SMG9: variants seen among roughly 807,000 people sequenced by gnomAD.
SMG9 encodes SMG9 nonsense mediated mRNA decay factor.
In SMG9, 55 loss-of-function variants were observed where a neutral mutation model predicts 64.0. The observed-to-expected ratio is 0.86, with a 90% CI of 0.69 to 1.08. The LOEUF is 1.08. Ranked by LOEUF, SMG9 falls within the 50% of genes least tolerant of loss-of-function variation. SMG9 has a pLI of 0.00. For synonymous variants in SMG9, 244 were observed against 254.8 expected, an observed-to-expected ratio of 0.96 and a Z score of 0.41; for missense variants, 554 against 681.3, an observed-to-expected ratio of 0.81 and a Z score of 2.08.
rs990826448 is a variant in SMG9 at position 43,749,590 on chromosome 19, A to G, written c.150+1002T>C. ...GTAAGAGCCCAGCTCACTGTGAAAA[A>G]ACTATTCTTCATGTTTGTACAGTTT... On this transcript the variant is annotated intron_variant, in intron 2 of 13. Coordinates refer to ENST00000270066, the MANE Select transcript of SMG9 (RefSeq NM_019108.4). Among the ~76,000 whole-genome samples the G allele has an allele frequency of 3.3e-5, 5 of 152,304 alleles. No individual in the cohort carries two copies. In the South Asian group the frequency reaches 8.3e-4, roughly 25 times the overall value.
Position 43,747,743 on chromosome 19 carries a change from G to C in SMG9, c.380C>G (p.Pro127Arg). The C allele has an allele frequency of 6.2e-7, 1 of 1,610,532 alleles. No homozygotes were observed. The highest frequency in any genetic ancestry group is 1.1e-5 in the South Asian group (1 of 90,630). ...STPEGTAPPP[P>R]AAPAPPKGEK... is the part of the protein sequence containing the mutation. ...CCCCTTGGGTGGCGCAGGGGCTGCA[G>C]GGGGTGGTGGGGCGGTGCCCTCAGG... The change falls in exon 4 of 14, where the codon CCT becomes CGT. Residue 127 changes from proline to arginine, a missense_variant. Transcript: ENST00000270066.
At chr19:43,740,512 C>T (rs984862503) in intron 6 of SMG9, among the ~76,000 whole-genome samples, 6 of 152,140 alleles carry the variant, frequency 3.9e-5, no homozygotes, top group Admixed American at 1.3e-4. Flanking sequence ...CCCAGCTCTG[C>T]CTCTTCCTGG....
chr19:43,748,928 G>A, intron 2 of SMG9: 1 of 459,614 alleles, frequency 2.2e-6, no homozygotes, highest in Non-Finnish European at 4.4e-6. Context: ...GGACTTCCAG[G>A]AGGCTAGGAA....
intron 1 of SMG9, among the ~76,000 whole-genome samples, chr19:43,754,140 T>A (rs1211007111): frequency 6.6e-6 from 1 of 152,158 alleles, no homozygotes; most frequent in Non-Finnish European, 1.5e-5. Context: ...CCTTCGGGGA[T>A]CTCCCAGAAC....
rs763046416 is a variant in SMG9, at chr19:43,737,962, CCTGA to C, written c.909+156_909+159del. On this transcript the variant is annotated intron_variant, in intron 8 of 13. Transcript: ENST00000270066. ...GGGCAGAGCCAGGAGTTGAGCCAGT[CCTGA>C]CTCTCAGTGTTGTCCTCTTCCTATA... is the stretch of plus-strand genomic sequence containing the variant. 320 of 736,014 alleles carry C rather than the reference CCTGA, an allele frequency of 4.3e-4. 1 individual carries two copies. The highest frequency in any genetic ancestry group is 1.5e-3 in the Middle Eastern group (4 of 2,644). 45.6% of individuals were successfully genotyped at this position (736,014 alleles called of 1,614,324 possible). A position where few individuals can be genotyped will look rare whatever the true frequency, so the allele number is the denominator to read the frequency against.
At position 43,731,051 on chromosome 19, in the gene SMG9, C is replaced by G. The variant is rs1030696082; in HGVS notation, c.*545G>C. On this transcript the variant is annotated 3_prime_UTR_variant, in exon 14 of 14. Coordinates refer to ENST00000270066, the MANE Select transcript of SMG9 (RefSeq NM_019108.4). The stretch of plus-strand genomic sequence containing the variant: ...ATAACCCCTTCTAGGGACTTCTTAG[C>G]AGAGACTGATCTCCATCTGCCCGCA... 5 of 916,136 alleles carry G rather than the reference C, an allele frequency of 5.5e-6. No homozygotes were observed. The highest frequency in any genetic ancestry group is 6.5e-6 in the Non-Finnish European group (5 of 766,962). The allele number at this position is 916,136 out of a possible 1,614,324, so 56.8% of individuals were successfully genotyped here.
At position 43,730,661 on chromosome 19, in the gene SMG9, T is replaced by C. The variant is rs922865554; in HGVS notation, c.*935A>G. On this transcript the variant is annotated 3_prime_UTR_variant, in exon 14 of 14. Coordinates refer to ENST00000270066, the MANE Select transcript of SMG9 (RefSeq NM_019108.4). ...TCACTGCAACCTCTGCCTCCCGGGT[T>C]CAAGCAGTTCTCCCACCTCAGCCTC... is the stretch of plus-strand genomic sequence containing the variant. 3 of 152,114 alleles carry C rather than the reference T, an allele frequency of 2.0e-5. No homozygotes were observed. The East Asian group carries it at 5.8e-4, about 29-fold the overall frequency. The allele number at this position is 152,114 out of a possible 1,614,324, so 9.4% of individuals were successfully genotyped here.
rs549189844 is a variant in SMG9, at chr19:43,731,152, G to A, written c.*444C>T. 3 of 992,390 alleles carry A rather than the reference G, an allele frequency of 3.0e-6. No individual in the cohort carries two copies. The South Asian group carries it at 1.4e-4, about 45-fold the overall frequency. 61.5% of individuals were successfully genotyped at this position (992,390 alleles called of 1,614,324 possible). A position where few individuals can be genotyped will look rare whatever the true frequency, so the allele number is the denominator to read the frequency against. The stretch of plus-strand genomic sequence containing the variant: ...AGGAGTAAGTGGAACATAAGAACAG[G>A]CTTGCATGACTGTGTTTATTTGAAC... On this transcript the variant is annotated 3_prime_UTR_variant, in exon 14 of 14. Coordinates refer to ENST00000270066, the MANE Select transcript of SMG9 (RefSeq NM_019108.4).
At chr19:43,753,414 TG>T (rs1353916633) in intron 1 of SMG9, among the ~76,000 whole-genome samples, 5 of 152,014 alleles carry the variant, frequency 3.3e-5, no homozygotes, top group Non-Finnish European at 4.4e-5. Flanking sequence ...CCTATGAGGA[TG>T]CCCTTTCCTG....
At chr19:43,754,121 C>T (rs1969281055) in intron 1 of SMG9, among the ~76,000 whole-genome samples, 1 of 152,206 alleles carries the variant, frequency 6.6e-6, no homozygotes, top group Admixed American at 6.5e-5. Flanking sequence ...GGCATCGCTT[C>T]ACACACTCCC....
At position 43,731,407 on chromosome 19, in the gene SMG9, C is replaced by T. The variant is rs1348102830; in HGVS notation, c.*189G>A. 12 of 1,413,202 alleles carry T rather than the reference C, an allele frequency of 8.5e-6. No individual in the cohort carries two copies. The highest frequency in any genetic ancestry group is 1.5e-5 in the African/African-American group (1 of 68,492). 87.5% of individuals were successfully genotyped at this position (1,413,202 alleles called of 1,614,324 possible). The stretch of plus-strand genomic sequence containing the variant: ...GGGTGGGATCGCTCACAGTCACCCC[C>T]GGAACAGCCCCAACTGAGGGTGGGG... On this transcript the variant is annotated 3_prime_UTR_variant, in exon 14 of 14. Coordinates refer to ENST00000270066, the MANE Select transcript of SMG9 (RefSeq NM_019108.4).
At chr19:43,749,024 G>A (rs2060686665) in intron 2 of SMG9, among the ~76,000 whole-genome samples, 1 of 152,184 alleles carries the variant, frequency 6.6e-6, no homozygotes. Context: ...TTGAACTTTG[G>A]AATATTTGCA....
Position 43,750,687 on chromosome 19 carries a change from G to A in SMG9, c.55C>T (p.Arg19Trp), listed in dbSNP as rs1458284534. The A allele has an allele frequency of 9.3e-6, 15 of 1,613,778 alleles. No individual in the cohort carries two copies. The highest frequency in any genetic ancestry group is 1.3e-5 in the African/African-American group (1 of 74,876). ...PGLYGIERRR[R>W]WKEPGSGGPQ... ...CCACCAGAGCCAGGCTCCTTCCACC[G>A]TCGCCGCCGCTCTATCCCATAGAGT... The change falls in exon 2 of 14, where the codon CGG becomes TGG. Residue 19 changes from arginine (R) to tryptophan (W), a missense_variant. Coordinates refer to ENST00000270066, the MANE Select transcript of SMG9 (RefSeq NM_019108.4).
At chr19:43,749,946 T>C (rs1221475963) in intron 2 of SMG9, among the ~76,000 whole-genome samples, 2 of 152,252 alleles carry the variant, frequency 1.3e-5, no homozygotes, top group African/African-American at 2.4e-5. Context: ...ATCAGATCTA[T>C]CATAGAATCT....
chr19:43,747,508 T>C lies in SMG9; in HGVS notation c.522A>G (p.Pro174=). 1 of 1,614,144 alleles carries C rather than the reference T, an allele frequency of 6.2e-7. No individual in the cohort carries two copies. Among genetic ancestry groups the C allele is most frequent in the Non-Finnish European group, 8.5e-7 (1 of 1,180,012 alleles). The change falls in exon 5 of 14, where the codon CCA becomes CCG. Residue 174 remains proline (P), a synonymous_variant. Transcript: ENST00000270066. ...ACTTGATGCTGTGCTTCATGCGCTCTGGGGGCAGTAGTTTGGCCTGACCCA... is the reference window on the plus strand; with the variant it reads ...ACTTGATGCTGTGCTTCATGCGCTCCGGGGGCAGTAGTTTGGCCTGACCCA... ...PVVGQAKLLP[P]ERMKHSIKLV...
chr19:43,751,190 A>G (rs989787993), intron 1 of SMG9, among the ~76,000 whole-genome samples: 1 of 151,496 alleles, frequency 6.6e-6, no homozygotes, highest in South Asian at 2.1e-4. Flanking sequence ...CTGGAGTGCA[A>G]TGGCGTAATC....
chr19:43,728,754 A>AG lies in SMG9; in HGVS notation c.*2841dup, dbSNP rs1217677764. ...GTGCTGCGCTCATGACAGGCGCTTGAGCCCAGGCAGCTGCCAGCACAACAT... is the reference window on the plus strand; with the variant it reads ...GTGCTGCGCTCATGACAGGCGCTTGAGGCCCAGGCAGCTGCCAGCACAACAT... On this transcript the variant is annotated 3_prime_UTR_variant, in exon 14 of 14. Coordinates refer to ENST00000270066, the MANE Select transcript of SMG9 (RefSeq NM_019108.4). 1 of 154,716 alleles carries AG rather than the reference A, an allele frequency of 6.5e-6. No individual in the cohort carries two copies. The highest frequency in any genetic ancestry group is 2.4e-5 in the African/African-American group (1 of 41,504). 9.6% of individuals were successfully genotyped at this position (154,716 alleles called of 1,614,324 possible).
intron 2 of SMG9, 83 bp from the exon 3 acceptor site, chr19:43,748,135 C>T (rs763337720): frequency 9.0e-5 from 131 of 1,460,992 alleles, no homozygotes; most frequent in Non-Finnish European, 1.1e-4. Flanking sequence ...TTCTAAATGC[C>T]GAAATATATT....
chr19:43,742,281 T>TA (rs1298827022), intron 6 of SMG9, among the ~76,000 whole-genome samples: 3 of 151,700 alleles, frequency 2.0e-5, no homozygotes, highest in Admixed American at 6.6e-5. Context: ...TACAAAAAAT[T>TA]AAAAAATTAG....
Sources: allele counts gnomAD v4.1 joint callset (sites outside exome capture counted in the v4.1 genomes callset), GRCh38; gene constraint gnomAD v4.1.1; transcripts MANE v1.5; gene names NCBI Gene and HGNC (gene_info 2026-07-23, HGNC 2026-07-21).